CENPE: variants seen among roughly 807,000 people sequenced by gnomAD.
The protein encoded by CENPE is centromere-associated protein E.
Under a neutral mutation model 336.1 loss-of-function variants are expected in CENPE, and 145 were observed. The ratio of observed to expected loss-of-function variants is 0.43; its 90% confidence interval spans 0.38 to 0.50. The LOEUF (loss-of-function observed/expected upper bound fraction) is 0.50. Among genes scored for constraint, CENPE ranks in the 20% least tolerant of loss-of-function variants. CENPE has a pLI of 0.00. For missense variants in CENPE, 2,719 were observed against 3,023.3 expected (o/e 0.90, Z 2.36); for synonymous variants, 1,013 against 984.8 (o/e 1.03, Z -0.54).
chr4:103,111,371 C>T (rs189697930), intron 46 of CENPE, among the ~76,000 whole-genome samples: 1 of 152,266 alleles, frequency 6.6e-6, no homozygotes, highest in African/African-American at 2.4e-5. Flanking sequence ...CAACACACTG[C>T]GTGTGTGGCG....
intron 44 of CENPE, among the ~76,000 whole-genome samples, chr4:103,117,773 G>C (rs1750272072): frequency 6.6e-6 from 1 of 151,678 alleles, no homozygotes; most frequent in Non-Finnish European, 1.5e-5. Flanking sequence ...GATTACAGGT[G>C]CTTACCACCA....
rs1302518129 is a variant in CENPE at position 103,141,824 on chromosome 4, C to A, written c.5389G>T (p.Val1797Phe). ...QETIDKLRGI[V>F]SEKTDKLSNM... The stretch of plus-strand genomic sequence containing the variant: ...GATAGTTTATCTGTCTTCTCAGAAA[C>A]AATTCCTCTGAGTTTGTCAATAGTT... Residue 1797 changes from valine to phenylalanine, a missense_variant, in exon 35 of 49, where the codon GTT becomes TTT. Transcript: ENST00000265148. 2 of 1,585,894 alleles carry A rather than the reference C, an allele frequency of 1.3e-6. No individual in the cohort carries two copies. The highest frequency in any genetic ancestry group is 1.7e-6 in the Non-Finnish European group (2 of 1,157,630).
intron 13 of CENPE, among the ~76,000 whole-genome samples, chr4:103,178,672 A>C (rs1257369783): frequency 6.6e-6 from 1 of 152,160 alleles, no homozygotes; most frequent in African/African-American, 2.4e-5. Context: ...ATTTTTGTCC[A>C]TCTTTATCTT....
At chr4:103,188,633 A>G (rs2126040050) in intron 8 of CENPE, among the ~76,000 whole-genome samples, 1 of 152,358 alleles carries the variant, frequency 6.6e-6, no homozygotes, top group Admixed American at 6.5e-5. Flanking sequence ...TCTGGGACAC[A>G]TTTAAAGCAG....
chr4:103,136,099 T>C lies in CENPE; in HGVS notation c.6522+42A>G, dbSNP rs746925039. 1.7e-5 allele frequency: 25 copies of C among 1,501,448 alleles called. 1 individual carries two copies. The East Asian group carries it at 4.7e-4, about 28-fold the overall frequency. The allele number at this position is 1,501,448 out of a possible 1,614,324, so 93.0% of individuals were successfully genotyped here. On this transcript the variant is annotated intron_variant, in intron 40 of 48. Coordinates refer to ENST00000265148, the MANE Select transcript of CENPE (RefSeq NM_001813.3). ...CAGGACTTAAATACATTGATGTTTA[T>C]AACTGAAATATTTAAAAGGATATTA...
intron 30 of CENPE, 67 bp from the exon 31 acceptor site, chr4:103,145,748 C>G: frequency 6.6e-7 from 1 of 1,507,426 alleles, no homozygotes; most frequent in Admixed American, 2.2e-5. Context: ...GTAATTAACT[C>G]CCCTTTCCAA....
intron 43 of CENPE, among the ~76,000 whole-genome samples, chr4:103,121,393 CTT>C (rs1184591918): frequency 6.6e-6 from 1 of 152,028 alleles, no homozygotes; most frequent in African/African-American, 2.4e-5. Context: ...TGTACACACT[CTT>C]TTTTGTTTTT....
At position 103,144,456 on chromosome 4, in the gene CENPE, G is replaced by A. The variant is rs750529243; in HGVS notation, c.5020C>T (p.Leu1674=). The A allele has an allele frequency of 3.5e-5, 56 of 1,613,906 alleles. No homozygotes were observed. The highest frequency in any genetic ancestry group is 4.6e-5 in the Non-Finnish European group (54 of 1,179,962). Residue 1674 remains leucine (L), a synonymous_variant, in exon 33 of 49, where the codon CTA becomes TTA. Transcript: ENST00000265148. The part of the protein sequence containing the change: ...ETENIRLTQI[L]HENLEEMRSV... ...CTCATTTCTTCAAGGTTTTCATGTA[G>A]TATCTGAGTCAACCTTATATTCTCC...
At chr4:103,179,494 C>T (rs1280750605) in intron 13 of CENPE, among the ~76,000 whole-genome samples, 1 of 152,208 alleles carries the variant, frequency 6.6e-6, no homozygotes, top group African/African-American at 2.4e-5. Flanking sequence ...TGGGCTACTT[C>T]CTGCTCACCA....
chr4:103,158,718 C>G lies in CENPE; in HGVS notation c.2770G>C (p.Val924Leu), dbSNP rs762258803. ...TCTTTTTCTTGAGTTAAAGTTTTTA[C>G]TTCTTCTAAAGTTTGCTGCAGTTTC... ...TEKLQQTLEE[V>L]KTLTQEKDDL... The change falls in exon 23 of 49, where the codon GTA becomes CTA. Residue 924 changes from valine (V) to leucine (L), a missense_variant. By Grantham distance (32) the Val-to-Leu change is conservative (BLOSUM62 1). This residue lies in a region of CENPE where 2,437 missense variants were observed against 2,513.3 expected (regional missense o/e 0.97). Coordinates refer to ENST00000265148, the MANE Select transcript of CENPE (RefSeq NM_001813.3). 9.9e-6 allele frequency: 16 copies of G among 1,612,698 alleles called. No individual in the cohort carries two copies. The South Asian group carries it at 1.8e-4, about 18-fold the overall frequency.
chr4:103,195,333 A>G, intron 4 of CENPE, 100 bp from the exon 5 acceptor site: 1 of 956,796 alleles, frequency 1.0e-6, no homozygotes, highest in Non-Finnish European at 1.5e-6. Flanking sequence ...TGTATGTAAA[A>G]CAAACTAAGA....
rs201152446 is a variant in CENPE, at chr4:103,108,978, A to G, written c.7836T>C (p.Thr2612=). Residue 2612 remains threonine, a synonymous_variant, in exon 48 of 49, where the codon ACT becomes ACC. Transcript: ENST00000265148. ...CENSPKSPKV[T]GTASKKKQIT... is the part of the protein sequence containing the mutation. ...TTTGTTTCTTTTTAGAAGCTGTTCC[A>G]GTCACTTTAGGAGACTTTGGAGAAT... The G allele has an allele frequency of 1.4e-5, 22 of 1,613,724 alleles. No homozygotes were observed. The highest frequency in any genetic ancestry group is 3.4e-6 in the Non-Finnish European group (4 of 1,179,834).
At chr4:103,112,276 T>C (rs1749515089) in intron 46 of CENPE, among the ~76,000 whole-genome samples, 1 of 147,482 alleles carries the variant, frequency 6.8e-6, no homozygotes, top group Admixed American at 6.8e-5. Context: ...AAATTCCAAA[T>C]ACTAAGCAAA....
intron 26 of CENPE, among the ~76,000 whole-genome samples, chr4:103,150,535 T>G (rs2125941303): frequency 6.6e-6 from 1 of 151,510 alleles, no homozygotes; most frequent in Admixed American, 6.6e-5. Flanking sequence ...CAGTGAGCTG[T>G]GATCATGCCA....
chr4:103,151,085 C>T (rs1753503324), intron 26 of CENPE, 134 bp downstream of exon 26: 1 of 755,860 alleles, frequency 1.3e-6, no homozygotes, highest in Admixed American at 3.1e-5. Context: ...TAAAATTGTC[C>T]AAAATACTAG....
At chr4:103,159,686 T>C (rs1326071486) in intron 21 of CENPE, among the ~76,000 whole-genome samples, 1 of 151,914 alleles carries the variant, frequency 6.6e-6, no homozygotes, top group East Asian at 1.9e-4. Flanking sequence ...CCTAAAGGCT[T>C]TGAATGCCTC....
intron 42 of CENPE, among the ~76,000 whole-genome samples, chr4:103,130,841 A>G (rs184392355): frequency 4.6e-5 from 7 of 151,864 alleles, no homozygotes; most frequent in Admixed American, 1.3e-4. Flanking sequence ...AATAGATCCC[A>G]CATAGTCAAA....
intron 46 of CENPE, among the ~76,000 whole-genome samples, chr4:103,114,192 C>A (rs961304499): frequency 5.3e-5 from 8 of 152,066 alleles, no homozygotes; most frequent in African/African-American, 1.9e-4. Flanking sequence ...CTGAAGGTAT[C>A]TTCACTAATA....
chr4:103,108,549 T>C (rs1428939561), intron 48 of CENPE, among the ~76,000 whole-genome samples: 3 of 152,004 alleles, frequency 2.0e-5, no homozygotes, highest in Non-Finnish European at 4.4e-5. Flanking sequence ...GAAAGTTGCT[T>C]GTCTCTCTTT....
Sources: gnomAD v4.1 joint callset for allele counts (sites outside exome capture counted in the v4.1 genomes callset) on GRCh38, gnomAD v4.1.1 for gene constraint, gnomAD v4.1.1 regional missense constraint, MANE v1.5 for transcripts, NCBI Gene and HGNC (gene_info 2026-07-23, HGNC 2026-07-21) for gene names.